Variants in ANXA8 observed in about 807,000 individuals in gnomAD.
The protein encoded by ANXA8 is VAC-beta.
ANXA8 carries 9 observed loss-of-function variants against 26.8 expected under a neutral mutation model. That is an observed-to-expected ratio of 0.34 (90% confidence interval 0.20 to 0.59). ANXA8 has a LOEUF of 0.59. Ranked by LOEUF, ANXA8 falls within the 20% of genes least tolerant of loss-of-function variation. ANXA8 has a pLI of 0.84. For missense variants in ANXA8, 83 were observed against 238.5 expected (o/e 0.35, Z 4.29); for synonymous variants, 39 against 94.8 (o/e 0.41, Z 3.42).
the ANXA8 span, among the ~76,000 whole-genome samples, chr10:47,943,129 G>T: frequency 1.4e-5 from 2 of 146,148 alleles, no homozygotes; most frequent in South Asian, 4.3e-4. Flanking sequence ...GGCATCTCAA[G>T]TTAGAGATGA....
chr10:47,924,330 AGT>A, the ANXA8 span, among the ~76,000 whole-genome samples: 7 of 116,382 alleles, frequency 6.0e-5, no homozygotes. Context: ...GGCTCCAATG[AGT>A]GTGAATATCT....
At chr10:47,663,956 T>A in the ANXA8 span, among the ~76,000 whole-genome samples, 115 of 149,058 alleles carry the variant, frequency 7.7e-4, no homozygotes, top group African/African-American at 2.8e-3. Flanking sequence ...GGGATCAAAT[T>A]TTTTTTTAGA....
chr10:47,946,537 A>G, the ANXA8 span, among the ~76,000 whole-genome samples: 41 of 150,192 alleles, frequency 2.7e-4, no homozygotes, highest in Non-Finnish European at 4.4e-5. Context: ...TCGGTTTAGC[A>G]TTGACACATG....
the ANXA8 span, among the ~76,000 whole-genome samples, chr10:47,768,336 A>G: frequency 6.6e-6 from 1 of 151,608 alleles, no homozygotes; most frequent in African/African-American, 2.4e-5. Context: ...CCAATGAGCC[A>G]TAAGAGGGCA....
chr10:47,625,867 C>T, the ANXA8 span, among the ~76,000 whole-genome samples: 271 of 150,960 alleles, frequency 1.8e-3, no homozygotes, highest in Non-Finnish European at 2.8e-3. Flanking sequence ...TGACCGACAT[C>T]TCTGCAATTT....
At chr10:47,580,572 C>T in the ANXA8 span, among the ~76,000 whole-genome samples, 22 of 149,588 alleles carry the variant, frequency 1.5e-4, 1 homozygote, top group South Asian at 1.1e-3. Context: ...CCTGTCTCTA[C>T]GAAAAAAAAA....
chr10:47,659,305 TA>T, the ANXA8 span, among the ~76,000 whole-genome samples: 1 of 151,872 alleles, frequency 6.6e-6, no homozygotes, highest in African/African-American at 2.4e-5. Context: ...TCTCATTCCT[TA>T]ACATTTAAAA....
At chr10:47,733,309 T>TCC in the ANXA8 span, among the ~76,000 whole-genome samples, 9 of 126,128 alleles carry the variant, frequency 7.1e-5, no homozygotes, top group African/African-American at 3.2e-4. Flanking sequence ...TTTTTCTTTC[T>TCC]CTCTCCCTCT....
the ANXA8 span, among the ~76,000 whole-genome samples, chr10:47,737,234 T>C: frequency 1.3e-5 from 2 of 151,452 alleles, no homozygotes; most frequent in Non-Finnish European, 1.5e-5. Flanking sequence ...TTTTATGGCA[T>C]GCCTAGATAG....
At chr10:47,693,839 A>C in the ANXA8 span, among the ~76,000 whole-genome samples, 1 of 151,728 alleles carries the variant, frequency 6.6e-6, no homozygotes, top group Admixed American at 6.6e-5. Flanking sequence ...TTGGGCAATT[A>C]TTGTAAATGA....
chr10:47,737,595 A>C, the ANXA8 span, among the ~76,000 whole-genome samples: 7 of 151,812 alleles, frequency 4.6e-5, no homozygotes, highest in Non-Finnish European at 1.0e-4. Flanking sequence ...AAGTACCCCC[A>C]TATTTTTCTT....
chr10:47,580,419 C>T, the ANXA8 span, among the ~76,000 whole-genome samples: 3 of 151,624 alleles, frequency 2.0e-5, no homozygotes, highest in African/African-American at 7.3e-5. Flanking sequence ...CAAAACAATT[C>T]TCAATACATT....
chr10:47,743,096 G>A, the ANXA8 span, among the ~76,000 whole-genome samples: 4 of 143,186 alleles, frequency 2.8e-5, no homozygotes, highest in East Asian at 2.0e-4. Flanking sequence ...GCGTGAACCC[G>A]GGAGGCGGAG....
upstream of ANXA8, chr10:47,484,402 T>C: frequency 9.3e-7 from 1 of 1,073,704 alleles, no homozygotes. Flanking sequence ...TCACTCCTAA[T>C]AGCCATGGAG....
At chr10:47,571,493 G>C in the ANXA8 span, among the ~76,000 whole-genome samples, 1 of 149,848 alleles carries the variant, frequency 6.7e-6, no homozygotes, top group African/African-American at 2.5e-5. Flanking sequence ...GTGTCAGATT[G>C]AGGCTCAGAC....
the ANXA8 span, among the ~76,000 whole-genome samples, chr10:47,649,380 GC>G: frequency 1.3e-5 from 2 of 151,462 alleles, no homozygotes; most frequent in African/African-American, 4.9e-5. Flanking sequence ...TTCAAAAACA[GC>G]AAATAGATAA....
intron 11 of ANXA8, among the ~76,000 whole-genome samples, chr10:47,470,324 A>G (rs1209054458): frequency 8.0e-5 from 12 of 149,416 alleles, no homozygotes; most frequent in Admixed American, 8.0e-4. Flanking sequence ...GGGTGGCTTC[A>G]TGTATCTGTA....
At chr10:47,618,626 T>C in the ANXA8 span, among the ~76,000 whole-genome samples, 1 of 115,160 alleles carries the variant, frequency 8.7e-6, no homozygotes. Flanking sequence ...TTTCTATATA[T>C]GTAAACATTT....
At chr10:47,495,255 CATTATTATTATT>C in the ANXA8 span, among the ~76,000 whole-genome samples, 19 of 103,014 alleles carry the variant, frequency 1.8e-4, no homozygotes, top group South Asian at 3.8e-4. Flanking sequence ...AGAAACATGG[CATTATTATTATT>C]ATTATTATTA....
Sources: allele counts gnomAD v4.1 joint callset (sites outside exome capture counted in the v4.1 genomes callset), GRCh38; gene constraint gnomAD v4.1.1; transcripts MANE v1.5; gene names NCBI Gene and HGNC (gene_info 2026-07-23, HGNC 2026-07-21).